OBSL1: variants seen among roughly 807,000 people sequenced by gnomAD.
The protein encoded by OBSL1 is obscurin-like protein 1.
OBSL1 carries 160 observed loss-of-function variants against 172.0 expected under a neutral mutation model. The observed-to-expected ratio is 0.93, with a 90% CI of 0.82 to 1.06. OBSL1 has a LOEUF of 1.06. OBSL1 is among the 50% of genes least tolerant of loss of function. The pLI is 0.00. For synonymous variants in OBSL1, 1,200 were observed against 1,196.3 expected (o/e 1.00, Z -0.06); for missense variants, 2,681 against 2,715.4 (o/e 0.99, Z 0.28).
chr2:219,548,524 G>A (rs961634021), downstream of OBSL1, among the ~76,000 whole-genome samples: 1 of 152,206 alleles, frequency 6.6e-6, no homozygotes, highest in Non-Finnish European at 1.5e-5. Context: ...GGCACTTGAA[G>A]GCTAAGGGGC....
chr2:219,551,655 T>C lies in OBSL1; in HGVS notation c.5557A>G (p.Lys1853Glu). The C allele has an allele frequency of 1.9e-6, 3 of 1,611,832 alleles. No individual in the cohort carries two copies. Among genetic ancestry groups the C allele is most frequent in the Non-Finnish European group, 1.7e-6 (2 of 1,179,332 alleles). ...GGGCCGTGGCTGCGCATCTCATACT[T>C]ATCTCCCGGGCACAGCTCGGCCCCC... The part of the protein sequence containing the change: ...REGAELCPGD[K>E]YEMRSHGPTH... Residue 1853 changes from lysine (K) to glutamate (E), a missense_variant, in exon 20 of 21, where the codon AAG (lysine) becomes GAG (glutamate). By Grantham distance (56) the Lys-to-Glu change is moderately conservative (BLOSUM62 1). This residue lies in a region of OBSL1 where 1,765 missense variants were observed against 1,748.3 expected (regional missense o/e 1.01). Transcript: ENST00000404537.
Position 219,554,577 on chromosome 2 carries a change from GCCGT to G in OBSL1, c.4769_4772del (p.Asp1590AlafsTer34). On this transcript the variant is annotated frameshift_variant, in exon 15 of 21. Coordinates refer to ENST00000404537, the MANE Select transcript of OBSL1 (RefSeq NM_015311.3). LOFTEE classifies it high-confidence loss of function. ...CATTGAGTACCAGTCGGTGACGGTG[GCCGT>G]CCGAGTGGATGTGACACTTGGGTCC... 1 of 1,613,402 alleles carries G rather than the reference GCCGT, an allele frequency of 6.2e-7. No homozygotes were observed.
At position 219,554,649 on chromosome 2, in the gene OBSL1, A is replaced by C; in HGVS notation, c.4701T>G (p.Gly1567=). The C allele has an allele frequency of 6.2e-7, 1 of 1,608,744 alleles. No individual in the cohort carries two copies. Among genetic ancestry groups the C allele is most frequent in the Non-Finnish European group, 8.5e-7 (1 of 1,177,714 alleles). ...CACCCCGGGCCCACTCCCCGGTCACACCTTCCTGGGACAGCTCCAGCTGGA... is the reference window on the plus strand; with the variant it reads ...CACCCCGGGCCCACTCCCCGGTCACCCCTTCCTGGGACAGCTCCAGCTGGA... ...ATFQLELSQE[G]VTGEWARGGV... is the part of the protein sequence containing the mutation. Residue 1567 remains glycine, a synonymous_variant, in exon 15 of 21, where the codon GGT becomes GGG. Transcript: ENST00000404537.
rs558799691 is a variant in OBSL1 at position 219,565,327 on chromosome 2, G to T, written c.2322C>A (p.Ile774=). 1 of 1,614,028 alleles carries T rather than the reference G, an allele frequency of 6.2e-7. No homozygotes were observed. Among genetic ancestry groups the T allele is most frequent in the East Asian group, 2.2e-5 (1 of 44,884 alleles). The change falls in exon 6 of 21, where the codon ATC becomes ATA. Residue 774 remains isoleucine (I), a synonymous_variant. Coordinates refer to ENST00000404537, the MANE Select transcript of OBSL1 (RefSeq NM_015311.3). ...VKMDGRKHRL[I]LPEAKVQDSG... is the part of the protein sequence containing the mutation. ...TGTCCTGGACTTTGGCCTCAGGCAG[G>T]ATCAGACGGTGTTTGCGCCCATCCA...
downstream of OBSL1, among the ~76,000 whole-genome samples, chr2:219,548,489 G>C (rs1028475082): frequency 2.0e-5 from 3 of 152,230 alleles, no homozygotes; most frequent in African/African-American, 4.8e-5. Flanking sequence ...AGGGAAGGCT[G>C]CTTGAAGGAG....
Position 219,552,195 on chromosome 2 carries a change from A to C in OBSL1, c.5330T>G (p.Leu1777Arg). The part of the protein sequence containing the change: ...RQEGKKHILV[L>R]SELRAEDAGE... The stretch of plus-strand genomic sequence containing the variant: ...GGCGTCCTCGGCGCGCAGCTCGCTA[A>C]GCACCAGAATGTGTTTCTTCCCTGG... The change falls in exon 19 of 21, where the codon CTT (leucine) becomes CGT (arginine). Residue 1777 changes from leucine (L) to arginine (R), a missense_variant. This residue lies in a region of OBSL1 where 1,765 missense variants were observed against 1,748.3 expected (regional missense o/e 1.01). Coordinates refer to ENST00000404537, the MANE Select transcript of OBSL1 (RefSeq NM_015311.3). 6.2e-7 allele frequency: 1 copy of C among 1,608,456 alleles called. No individual in the cohort carries two copies. The highest frequency in any genetic ancestry group is 8.5e-7 in the Non-Finnish European group (1 of 1,177,950).
At chr2:219,547,759 C>T, downstream of OBSL1, 28 of 1,594,846 alleles carry the variant, frequency 1.8e-5, no homozygotes, top group Non-Finnish European at 2.4e-5. Flanking sequence ...CCGCACCCTA[C>T]TACCAGCCAG....
chr2:219,556,334 A>AGGCT (rs1696001285), intron 13 of OBSL1, 42 bp from the exon 14 acceptor site: 3 of 1,568,572 alleles, frequency 1.9e-6, no homozygotes, highest in Non-Finnish European at 8.7e-7. Flanking sequence ...GTGGGGTTGG[A>AGGCT]GGCTGGCCCC....
chr2:219,562,784 C>T (rs1696583659), intron 7 of OBSL1, 110 bp from the exon 8 acceptor site: 1 of 1,213,590 alleles, frequency 8.2e-7, no homozygotes, highest in Non-Finnish European at 1.1e-6. Context: ...TGAAGAGGGA[C>T]CTTCCTGAGA....
intron 6 of OBSL1, 49 bp from the exon 7 acceptor site, chr2:219,563,676 G>A: frequency 6.4e-7 from 1 of 1,570,262 alleles, no homozygotes; most frequent in Non-Finnish European, 8.7e-7. Context: ...CGCACAATGA[G>A]TCCAAACTAG....
intron 5 of OBSL1, among the ~76,000 whole-genome samples, chr2:219,566,590 A>G (rs1295558416): frequency 6.6e-6 from 1 of 152,012 alleles, no homozygotes; most frequent in Non-Finnish European, 1.5e-5. Flanking sequence ...ACCACAAAGC[A>G]CTCCAGAGAA....
At chr2:219,549,279 G>T, downstream of OBSL1, 2 of 1,613,916 alleles carry the variant, frequency 1.2e-6, no homozygotes, top group Non-Finnish European at 1.7e-6. Context: ...CTCCTCCCAG[G>T]CCTGGGCCAC....
chr2:219,548,412 T>G (rs7597875), downstream of OBSL1, among the ~76,000 whole-genome samples: 2 of 152,006 alleles, frequency 1.3e-5, no homozygotes, highest in South Asian at 4.1e-4. Flanking sequence ...TAGAGTGATA[T>G]GACAGAGACA....
At position 219,571,083 on chromosome 2, in the gene OBSL1, C is replaced by T; in HGVS notation, c.150G>A (p.Gln50=). 1 of 1,468,780 alleles carries T rather than the reference C, an allele frequency of 6.8e-7. No homozygotes were observed. The highest frequency in any genetic ancestry group is 1.3e-5 in the South Asian group (1 of 77,236). 91.0% of individuals were successfully genotyped at this position (1,468,780 alleles called of 1,614,324 possible). A position where few individuals can be genotyped will look rare whatever the true frequency, so the allele number is the denominator to read the frequency against. The change falls in exon 1 of 21, where the codon CAG becomes CAA. Residue 50 remains glutamine, a synonymous_variant. Coordinates refer to ENST00000404537, the MANE Select transcript of OBSL1 (RefSeq NM_015311.3). ...TCAGGCGTTCCGAGGCCGCCAGCTGCTGCCCGCCCTTCTCCCACACCACTA... is the reference window on the plus strand; with the variant it reads ...TCAGGCGTTCCGAGGCCGCCAGCTGTTGCCCGCCCTTCTCCCACACCACTA... The part of the protein sequence containing the change: ...PPVVVWEKGG[Q]QLAASERLSF...
In OBSL1 at chr2:219,556,067, C is replaced by A; in HGVS notation, c.4562G>T (p.Gly1521Val). 1 of 1,613,794 alleles carries A rather than the reference C, an allele frequency of 6.2e-7. No individual in the cohort carries two copies. Reference protein sequence around the residue: ...GVILADQGTYGCESHHDRTLA... With the variant: ...GVILADQGTYVCESHHDRTLA... ...GGTGCGATCGTGGTGGCTCTCGCAG[C>A]CGTAGGTGCCCTGGTCGGCCAGTAT... Residue 1521 changes from glycine to valine, a missense_variant, in exon 14 of 21, where the codon GGC becomes GTC. Coordinates refer to ENST00000404537, the MANE Select transcript of OBSL1 (RefSeq NM_015311.3).
Position 219,568,071 on chromosome 2 carries a change from GGCCACGGTGC to G in OBSL1, c.1256_1265del (p.Arg419ProfsTer10), listed in dbSNP as rs1335171880. ...CCAGCTGACCTTTGACTGTGACGTTGGCCACGGTGCGCACCCGGCCCCGCATCTCGCACAG... is the reference window on the plus strand; with the variant it reads ...CCAGCTGACCTTTGACTGTGACGTTGGCACCCGGCCCCGCATCTCGCACAG... On this transcript the variant is annotated frameshift_variant, in exon 2 of 21. Coordinates refer to ENST00000404537, the MANE Select transcript of OBSL1 (RefSeq NM_015311.3). LOFTEE classifies it high-confidence loss of function. The surrounding 1 kb of genome is among the most constrained non-coding windows in gnomAD (Gnocchi z 4.1). The G allele has an allele frequency of 8.1e-6, 13 of 1,609,678 alleles. No homozygotes were observed. Among genetic ancestry groups the G allele is most frequent in the Non-Finnish European group, 9.3e-6 (11 of 1,176,548 alleles).
chr2:219,571,313 G>T lies in OBSL1; in HGVS notation c.-81C>A. 1.1e-6 allele frequency: 1 copy of T among 939,136 alleles called. No individual in the cohort carries two copies. Among genetic ancestry groups the T allele is most frequent in the Non-Finnish European group, 1.4e-6 (1 of 723,620 alleles). 58.2% of individuals were successfully genotyped at this position (939,136 alleles called of 1,614,324 possible). A position where few individuals can be genotyped will look rare whatever the true frequency, so the allele number is the denominator to read the frequency against. ...AGGGCGAGCCGAGGCCCGGGGCGGC[G>T]GGGTCGGGGCGCGGCTGGGGACTGG... On this transcript the variant is annotated 5_prime_UTR_variant, in exon 1 of 21. Transcript: ENST00000404537.
rs1417633997 is a variant in OBSL1, at chr2:219,562,837, C to T, written c.2681-163G>A. The T allele has an allele frequency of 1.7e-5, 12 of 724,676 alleles. No homozygotes were observed. In the East Asian group the frequency reaches 2.4e-4, roughly 15 times the overall value. The allele number at this position is 724,676 out of a possible 1,614,324, so 44.9% of individuals were successfully genotyped here. On this transcript the variant is annotated intron_variant, in intron 7 of 20. Coordinates refer to ENST00000404537, the MANE Select transcript of OBSL1 (RefSeq NM_015311.3). ...TGACAGTTACTCACAGCTAGAGACA[C>T]ACGAATACAGCTGTCACAAAAGCAC...
Position 219,551,808 on chromosome 2 carries a change from G to A in OBSL1, c.5414-10C>T, listed in dbSNP as rs201568270. On this transcript the variant is annotated splice_polypyrimidine_tract_variant and intron_variant, in intron 19 of 20. Coordinates refer to ENST00000404537, the MANE Select transcript of OBSL1 (RefSeq NM_015311.3). ...ATCTGGAGAGGCAATGCTGGGGGTA[G>A]GGGGCGGGGGCTTAAGTTAATAGGG... 27 of 1,519,352 alleles carry A rather than the reference G, an allele frequency of 1.8e-5. No individual in the cohort carries two copies. In the East Asian group the frequency reaches 5.9e-4, roughly 33 times the overall value. The allele number at this position is 1,519,352 out of a possible 1,614,324, so 94.1% of individuals were successfully genotyped here.
Sources: gnomAD v4.1 joint callset for allele counts (sites outside exome capture counted in the v4.1 genomes callset) on GRCh38, gnomAD v4.1.1 for gene constraint, gnomAD v4.1.1 regional missense constraint, Gnocchi (gnomAD v3.1) non-coding constraint, MANE v1.5 for transcripts, NCBI Gene and HGNC (gene_info 2026-07-23, HGNC 2026-07-21) for gene names.